RNF214: variants seen among roughly 807,000 people sequenced by gnomAD.
The protein encoded by RNF214 is ring finger protein 214.
RNF214 carries 25 observed loss-of-function variants against 75.9 expected under a neutral mutation model. That is an observed-to-expected ratio of 0.33 (90% CI 0.24 to 0.46). The LOEUF (loss-of-function observed/expected upper bound fraction) is 0.46. Among genes scored for constraint, RNF214 ranks in the 20% least tolerant of loss-of-function variants. The pLI, the probability that RNF214 is intolerant of heterozygous loss-of-function variation, is 1.00. For synonymous variants in RNF214, 314 were observed against 308.8 expected (o/e 1.02, Z -0.18); for missense variants, 725 against 857.5 (o/e 0.85, Z 1.93).
At chr11:117,234,485 T>G in intron 2 of RNF214, 106 bp downstream of exon 2, 1 of 746,066 alleles carries the variant, frequency 1.3e-6, no homozygotes, top group Non-Finnish European at 2.4e-6. Flanking sequence ...CTGCACTAGC[T>G]TTTTAAAGGT....
Position 117,246,901 on chromosome 11 carries a change from GC to G in RNF214, c.913del (p.Gln305ArgfsTer3). 6.2e-7 allele frequency: 1 copy of G among 1,612,624 alleles called. No homozygotes were observed. ...KEKKEFLQKE[Q>X]DLKAEIEKLC... ...AGAAGAAGGAGTTTTTGCAGAAGGA[GC>G]AGGATCTGAAAGCTGAAATTGAGAA... On this transcript the variant is annotated frameshift_variant, in exon 6 of 15. Transcript: ENST00000300650. LOFTEE classifies it high-confidence loss of function.
chr11:117,267,843 A>G (rs2134402506), intron 6 of RNF214, among the ~76,000 whole-genome samples: 1 of 152,348 alleles, frequency 6.6e-6, no homozygotes, highest in Non-Finnish European at 1.5e-5. Context: ...TGTAGAACCT[A>G]AAATGACCAC....
intron 6 of RNF214, among the ~76,000 whole-genome samples, chr11:117,266,022 T>C (rs559070030): frequency 6.6e-6 from 1 of 152,342 alleles, no homozygotes; most frequent in East Asian, 1.9e-4. Flanking sequence ...GATTCATCCA[T>C]GAGGTGGTAG....
At position 117,283,186 on chromosome 11, in the gene RNF214, G is replaced by T; in HGVS notation, c.2022G>T (p.Ala674=). Residue 674 remains alanine (A), a synonymous_variant, in exon 14 of 15, where the codon GCG becomes GCT. Coordinates refer to ENST00000300650, the MANE Select transcript of RNF214 (RefSeq NM_207343.4). ...AGCCCAGTGAGCTGCATCCAATGGC[G>T]TGTACCCATGTATTGCACAAGGAGG... ...LVQPSELHPM[A]CTHVLHKECI... 3 of 1,613,496 alleles carry T rather than the reference G, an allele frequency of 1.9e-6. No homozygotes were observed. The highest frequency in any genetic ancestry group is 2.5e-6 in the Non-Finnish European group (3 of 1,179,420).
intron 6 of RNF214, among the ~76,000 whole-genome samples, chr11:117,261,731 C>T (rs1467231634): frequency 2.6e-5 from 4 of 151,620 alleles, no homozygotes; most frequent in African/African-American, 9.7e-5. Flanking sequence ...CTGCAGCCTC[C>T]GCCTCCTGGG....
intron 6 of RNF214, among the ~76,000 whole-genome samples, chr11:117,276,077 G>A (rs761384770): frequency 3.6e-4 from 55 of 152,142 alleles, no homozygotes; most frequent in Admixed American, 5.2e-4. Flanking sequence ...GGCAAGGATG[G>A]CTCAGCATAC....
intron 2 of RNF214, among the ~76,000 whole-genome samples, chr11:117,237,978 A>G (rs2032957728): frequency 6.6e-6 from 1 of 152,254 alleles, no homozygotes; most frequent in South Asian, 2.1e-4. Context: ...AATATTATGT[A>G]TAACTAAATT....
chr11:117,255,949 CT>C (rs1225092870), intron 6 of RNF214, among the ~76,000 whole-genome samples: 1 of 152,128 alleles, frequency 6.6e-6, no homozygotes, highest in Non-Finnish European at 1.5e-5. Context: ...AGTTTTAACC[CT>C]TTACTTAGTA....
chr11:117,259,042 C>T lies in RNF214; in HGVS notation c.959+12094C>T, dbSNP rs139858875. ...CATGATCTTGGTTCACTGCAACCTC[C>T]GCCTGCCGGGTTTGAGCAATTTTTC... On this transcript the variant is annotated intron_variant, in intron 6 of 14. Transcript: ENST00000300650. 7.9e-4 allele frequency among the ~76,000 whole-genome samples: 121 copies of T among 152,252 alleles called. 2 individuals are homozygous for T. Among genetic ancestry groups the T allele is most frequent in the African/African-American group, 2.8e-3 (117 of 41,540 alleles).
At chr11:117,236,377 G>A (rs1490285241) in intron 2 of RNF214, among the ~76,000 whole-genome samples, 2 of 152,046 alleles carry the variant, frequency 1.3e-5, no homozygotes, top group Non-Finnish European at 2.9e-5. Flanking sequence ...GAGTTCAAGC[G>A]ATTCTCCTGC....
chr11:117,252,120 T>C (rs956134888), intron 6 of RNF214, among the ~76,000 whole-genome samples: 5 of 152,220 alleles, frequency 3.3e-5, no homozygotes, highest in Admixed American at 1.3e-4. Context: ...GTGCCCGCCT[T>C]GGCCTCCCAA....
intron 1 of RNF214, 75 bp from the exon 2 acceptor site, chr11:117,234,192 A>G: frequency 9.2e-7 from 1 of 1,087,194 alleles, no homozygotes; most frequent in South Asian, 1.3e-5. Context: ...TTGTGTGGAC[A>G]TTCTGAGGGG....
intron 6 of RNF214, among the ~76,000 whole-genome samples, chr11:117,255,255 C>T (rs1196634564): frequency 1.3e-5 from 2 of 152,128 alleles, no homozygotes; most frequent in African/African-American, 4.8e-5. Flanking sequence ...TCAGCAGAGG[C>T]ATTCTTCCTT....
intron 6 of RNF214, among the ~76,000 whole-genome samples, chr11:117,276,551 T>A (rs2034019379): frequency 6.6e-6 from 1 of 152,184 alleles, no homozygotes; most frequent in Non-Finnish European, 1.5e-5. Flanking sequence ...TGAGTTATGA[T>A]CATGCCAGTG....
At chr11:117,252,282 T>A (rs1298294305) in intron 6 of RNF214, among the ~76,000 whole-genome samples, 1 of 152,200 alleles carries the variant, frequency 6.6e-6, no homozygotes, top group African/African-American at 2.4e-5. Context: ...TAATTATGGC[T>A]GAAACTAAAG....
chr11:117,279,802 C>A, intron 6 of RNF214, 106 bp from the exon 7 acceptor site: 3 of 662,970 alleles, frequency 4.5e-6, no homozygotes, highest in South Asian at 2.0e-5. Flanking sequence ...GTAAGACTTC[C>A]TGTAACATAC....
Position 117,282,834 on chromosome 11 carries a change from C to T in RNF214, c.1934C>T (p.Pro645Leu). ...MFLPSAQVSYPGRSSHAPATC... is the reference protein window; with the variant it reads ...MFLPSAQVSYLGRSSHAPATC... ...TTGCCTTCTGCCCAAGTTTCATATC[C>T]TGGAAGGTCTTCACATGTAAGACTC... Residue 645 changes from proline to leucine, a missense_variant, in exon 13 of 15, where the codon CCT becomes CTT. Physicochemically the swap from Pro to Leu is moderately conservative, Grantham distance 98. Around this residue, in one of 2 missense-constraint regions of RNF214, gnomAD observed 363 missense variants for 513.0 expected, o/e 0.71. Coordinates refer to ENST00000300650, the MANE Select transcript of RNF214 (RefSeq NM_207343.4). The T allele has an allele frequency of 6.2e-7, 1 of 1,613,016 alleles. No homozygotes were observed. Among genetic ancestry groups the T allele is most frequent in the Non-Finnish European group, 8.5e-7 (1 of 1,178,974 alleles).
rs1398583031 is a variant in RNF214 at position 117,238,703 on chromosome 11, A to G, written c.210A>G (p.Ser70=). The change falls in exon 3 of 15, where the codon TCA becomes TCG. Residue 70 remains serine (S), a synonymous_variant. Coordinates refer to ENST00000300650, the MANE Select transcript of RNF214 (RefSeq NM_207343.4). ...ACAGAAATGTCCATTTGGAGCACTC[A>G]GAGCAGAATCCTGGTTCATCAGCAG... ...ENNRNVHLEH[S]EQNPGSSAGD... is the part of the protein sequence containing the mutation. The G allele has an allele frequency of 1.2e-6, 2 of 1,614,244 alleles. No individual in the cohort carries two copies. Among genetic ancestry groups the G allele is most frequent in the Non-Finnish European group, 1.7e-6 (2 of 1,180,040 alleles).
intron 6 of RNF214, among the ~76,000 whole-genome samples, chr11:117,258,057 T>C (rs944380321): frequency 2.0e-5 from 3 of 152,102 alleles, no homozygotes; most frequent in Admixed American, 6.5e-5. Flanking sequence ...CATGCCTCTA[T>C]CTATTCATCA....
Sources: gnomAD v4.1 joint callset for allele counts (sites outside exome capture counted in the v4.1 genomes callset) on GRCh38, gnomAD v4.1.1 for gene constraint, gnomAD v4.1.1 regional missense constraint, MANE v1.5 for transcripts, NCBI Gene and HGNC (gene_info 2026-07-23, HGNC 2026-07-21) for gene names.